DGKQ: variants seen among roughly 807,000 people sequenced by gnomAD.
DGKQ encodes the protein DAG kinase theta.
A neutral mutation model predicts 104.2 loss-of-function variants in DGKQ; 97 were observed. The ratio of observed to expected loss-of-function variants is 0.93; its 90% CI spans 0.79 to 1.10. The LOEUF (loss-of-function observed/expected upper bound fraction) is 1.10. DGKQ is among the 50% of genes least tolerant of loss of function. The pLI is 0.00. For synonymous variants in DGKQ, 736 were observed against 595.2 expected (o/e 1.24, Z -3.44); for missense variants, 1,465 against 1,352.1 (o/e 1.08, Z -1.31).
rs1712240304 is a variant in DGKQ at position 965,520 on chromosome 4, A to G, written c.1589T>C (p.Val530Ala). 4.3e-6 allele frequency: 7 copies of G among 1,612,002 alleles called. No homozygotes were observed. Among genetic ancestry groups the G allele is most frequent in the Non-Finnish European group, 5.9e-6 (7 of 1,179,628 alleles). Residue 530 changes from valine to alanine, a missense_variant, in exon 14 of 23, where the codon GTG becomes GCG. Coordinates refer to ENST00000273814, the MANE Select transcript of DGKQ (RefSeq NM_001347.4). The part of the protein sequence containing the change: ...HEAGATKATV[V>A]SVSHIYSSQG... Reference sequence around the variant, plus strand: ...GGAGGAGTAGATGTGACTCACGGACACCACGGTGGCTGCAAAGGCAGGCTG... The same window carrying G: ...GGAGGAGTAGATGTGACTCACGGACGCCACGGTGGCTGCAAAGGCAGGCTG...
In DGKQ at chr4:968,300, G is replaced by A. The variant is rs982550866; in HGVS notation, c.645C>T (p.Cys215=). The A allele has an allele frequency of 2.0e-6, 2 of 1,001,138 alleles. No homozygotes were observed. The highest frequency in any genetic ancestry group is 2.4e-6 in the Non-Finnish European group (2 of 824,172). The allele number at this position is 1,001,138 out of a possible 1,614,324, so 62.0% of individuals were successfully genotyped here. A position where few individuals can be genotyped will look rare whatever the true frequency, so the allele number is the denominator to read the frequency against. Residue 215 remains cysteine, a synonymous_variant, in exon 5 of 23, where the codon TGC becomes TGT. Transcript: ENST00000273814. ...GSSDVLAGVR[C]EWCGVQAHSL... The stretch of plus-strand genomic sequence containing the variant: ...CGCCCACCTGGACCCCGCACCACTC[G>A]CAGCGCACGCCGGCCAGCACGTCAG...
rs1368020236 is a variant in DGKQ, at chr4:967,957, G to T, written c.734C>A (p.Pro245His). 4.7e-6 allele frequency: 7 copies of T among 1,487,468 alleles called. No individual in the cohort carries two copies. Among genetic ancestry groups the T allele is most frequent in the Non-Finnish European group, 6.2e-6 (7 of 1,126,978 alleles). 92.1% of individuals were successfully genotyped at this position (1,487,468 alleles called of 1,614,324 possible). A position where few individuals can be genotyped will look rare whatever the true frequency, so the allele number is the denominator to read the frequency against. Residue 245 changes from proline (P) to histidine (H), a missense_variant, in exon 6 of 23, where the codon CCT (proline) becomes CAT (histidine). Transcript: ENST00000273814. ...GGGCAGAAGGCGCACGCACGCGGGA[G>T]GCAGGACCAGGGAGCGCAGACGCCC... is the stretch of plus-strand genomic sequence containing the variant. The part of the protein sequence containing the change: ...GFGRLRSLVL[P>H]PACVRLLPGG...
Position 960,528 on chromosome 4 carries a change from A to G in DGKQ, c.*92T>C, listed in dbSNP as rs1172010042. 8.3e-7 allele frequency: 1 copy of G among 1,203,586 alleles called. No individual in the cohort carries two copies. Among genetic ancestry groups the G allele is most frequent in the Non-Finnish European group, 1.2e-6 (1 of 827,978 alleles). The allele number at this position is 1,203,586 out of a possible 1,614,324, so 74.6% of individuals were successfully genotyped here. On this transcript the variant is annotated 3_prime_UTR_variant, in exon 23 of 23. Coordinates refer to ENST00000273814, the MANE Select transcript of DGKQ (RefSeq NM_001347.4). ...GCCAGGTCCGACCACAGGGCCGGCC[A>G]CTGTGTGGACGTGGAGCTGCCTCCA...
rs1404780727 is a variant in DGKQ, at chr4:965,259, C to T, written c.1651G>A (p.Glu551Lys). 1.2e-6 allele frequency: 2 copies of T among 1,612,542 alleles called. No individual in the cohort carries two copies. Among genetic ancestry groups the T allele is most frequent in the Middle Eastern group, 1.6e-4 (1 of 6,084 alleles). ...AVVLDVACFA[E>K]AERLYMLLKD... ...AGCAGCATGTACAGCCGCTCGGCCT[C>T]CGCAAAGCAGGCAACGTCCAACACT... Residue 551 changes from glutamate to lysine, a missense_variant, in exon 15 of 23, where the codon GAG (glutamate) becomes AAG (lysine). Glu to Lys is a moderately conservative substitution (Grantham distance 56). Coordinates refer to ENST00000273814, the MANE Select transcript of DGKQ (RefSeq NM_001347.4).
chr4:962,580 G>C lies in DGKQ; in HGVS notation c.2069C>G (p.Ala690Gly), dbSNP rs201671964. ...NDLGRVLRWG[A>G]GYSGEDPFSV... The stretch of plus-strand genomic sequence containing the variant: ...GAACGGGTCCTCGCCGCTGTAGCCC[G>C]CCCCCCAGCGGAGGACTCGACCAAG... Residue 690 changes from alanine (A) to glycine (G), a missense_variant, in exon 18 of 23, where the codon GCG becomes GGG. Coordinates refer to ENST00000273814, the MANE Select transcript of DGKQ (RefSeq NM_001347.4). 6 of 1,609,208 alleles carry C rather than the reference G, an allele frequency of 3.7e-6. No homozygotes were observed. Among genetic ancestry groups the C allele is most frequent in the East Asian group, 2.2e-5 (1 of 44,874 alleles).
intron 11 of DGKQ, 61 bp downstream of exon 11, chr4:966,687 C>A: frequency 1.3e-6 from 2 of 1,551,708 alleles, no homozygotes; most frequent in Non-Finnish European, 1.8e-6. Context: ...AAAGCCTGGG[C>A]AGCAGGTCCA....
Position 968,574 on chromosome 4 carries a change from A to C in DGKQ, c.452-10T>G. 2 of 1,601,854 alleles carry C rather than the reference A, an allele frequency of 1.2e-6. No homozygotes were observed. Among genetic ancestry groups the C allele is most frequent in the South Asian group, 2.2e-5 (2 of 89,496 alleles). ...AGGTGCAGCTCACACACTGGGGGGC[A>C]GGCAGGGTTAGAGGTGTCTGCCGCC... On this transcript the variant is annotated splice_polypyrimidine_tract_variant and intron_variant, in intron 3 of 22. Coordinates refer to ENST00000273814, the MANE Select transcript of DGKQ (RefSeq NM_001347.4).
In DGKQ at chr4:965,267, C is replaced by A. The variant is rs1712214808; in HGVS notation, c.1643G>T (p.Cys548Phe). The A allele has an allele frequency of 6.2e-7, 1 of 1,612,654 alleles. No homozygotes were observed. Among genetic ancestry groups the A allele is most frequent in the South Asian group, 1.1e-5 (1 of 91,088 alleles). ...GTACAGCCGCTCGGCCTCCGCAAAG[C>A]AGGCAACGTCCAACACTACCGCGCC... ...SQGAVVLDVA[C>F]FAEAERLYML... Residue 548 changes from cysteine (C) to phenylalanine (F), a missense_variant, in exon 15 of 23, where the codon TGC (cysteine) becomes TTC (phenylalanine). Cys to Phe is a radical substitution (Grantham distance 205). Transcript: ENST00000273814.
chr4:961,896 CG>C (rs1308330091), intron 19 of DGKQ, 62 bp from the exon 20 acceptor site: 2 of 1,602,458 alleles, frequency 1.2e-6, no homozygotes, highest in Admixed American at 1.7e-5. Flanking sequence ...AGGCAGCCTC[CG>C]GGTTCCGGCC....
In DGKQ at chr4:968,517, C is replaced by T; in HGVS notation, c.499G>A (p.Asp167Asn). 6.2e-7 allele frequency: 1 copy of T among 1,609,356 alleles called. No individual in the cohort carries two copies. Among genetic ancestry groups the T allele is most frequent in the East Asian group, 2.2e-5 (1 of 44,692 alleles). ...CCATCCTGGTGGCACTGGCGGCAGT[C>T]ACTGCAGGCGAAGGGCACACAGTCT... ...HPDCVPFACS[D>N]CRQCHQDGHQ... Residue 167 changes from aspartate (D) to asparagine (N), a missense_variant, in exon 4 of 23, where the codon GAC becomes AAC. Physicochemically the swap from Asp to Asn is conservative, Grantham distance 23. Transcript: ENST00000273814.
At position 965,918 on chromosome 4, in the gene DGKQ, G is replaced by A; in HGVS notation, c.1579+10C>T. The A allele has an allele frequency of 6.3e-7, 1 of 1,587,600 alleles. No individual in the cohort carries two copies. The highest frequency in any genetic ancestry group is 8.6e-7 in the Non-Finnish European group (1 of 1,163,996). On this transcript the variant is annotated intron_variant, in intron 13 of 22. Coordinates refer to ENST00000273814, the MANE Select transcript of DGKQ (RefSeq NM_001347.4). ...TGCCAGCAGCCCACGGCCAGCCACA[G>A]TGGTCACACCTTTGGTAGCCCCGGC...
chr4:960,044 A>C lies in DGKQ; in HGVS notation c.*576T>G. ...GGGAAGGCACCTTCTCCCTTCCCTG[A>C]ACACAAGGAAGTCACCAGTCACCAC... On this transcript the variant is annotated 3_prime_UTR_variant, in exon 23 of 23. Transcript: ENST00000273814. 1 of 153,334 alleles carries C rather than the reference A, an allele frequency of 6.5e-6. No homozygotes were observed. The highest frequency in any genetic ancestry group is 1.5e-5 in the Non-Finnish European group (1 of 68,760). The allele number at this position is 153,334 out of a possible 1,614,324, so 9.5% of individuals were successfully genotyped here.
At chr4:965,409 C>T in intron 14 of DGKQ, 82 bp downstream of exon 14, 2 of 1,552,104 alleles carry the variant, frequency 1.3e-6, no homozygotes, top group South Asian at 2.3e-5. Context: ...AGGTCAGGTG[C>T]TACGTGAGGG....
At position 960,615 on chromosome 4, in the gene DGKQ, CACCCCT is replaced by C. The variant is rs768151699; in HGVS notation, c.2828_*4del. 2 of 1,609,154 alleles carry C rather than the reference CACCCCT, an allele frequency of 1.2e-6. No homozygotes were observed. Among genetic ancestry groups the C allele is most frequent in the Non-Finnish European group, 1.7e-6 (2 of 1,177,992 alleles). ...GCTCGAGCCCTTGGGCTGCCCCAGC[CACCCCT>C]ACCTAGGATCGCTCTCAGGGGCAGG... On this transcript the variant is annotated stop_lost and 3_prime_UTR_variant, in exon 23 of 23. Coordinates refer to ENST00000273814, the MANE Select transcript of DGKQ (RefSeq NM_001347.4).
Position 967,961 on chromosome 4 carries a change from G to T in DGKQ, c.730C>A (p.Leu244Met). 1.3e-6 allele frequency: 2 copies of T among 1,487,562 alleles called. No individual in the cohort carries two copies. 92.1% of individuals were successfully genotyped at this position (1,487,562 alleles called of 1,614,324 possible). The change falls in exon 6 of 23, where the codon CTG becomes ATG. Residue 244 changes from leucine (L) to methionine (M), a missense_variant. By Grantham distance (15) the Leu-to-Met change is conservative. Coordinates refer to ENST00000273814, the MANE Select transcript of DGKQ (RefSeq NM_001347.4). ...CGFGRLRSLV[L>M]PPACVRLLPG... is the part of the protein sequence containing the mutation. ...AGAAGGCGCACGCACGCGGGAGGCA[G>T]GACCAGGGAGCGCAGACGCCCGAAG...
chr4:968,781 T>C, intron 3 of DGKQ, 30 bp downstream of exon 3: 1 of 1,582,918 alleles, frequency 6.3e-7, no homozygotes, highest in Non-Finnish European at 8.6e-7. Context: ...ACCAGGACAC[T>C]GGGTGGGGAG....
chr4:963,490 G>A (rs1712049263), intron 15 of DGKQ, among the ~76,000 whole-genome samples, 200 bp from the exon 16 acceptor site: 1 of 152,228 alleles, frequency 6.6e-6, no homozygotes, highest in Non-Finnish European at 1.5e-5. Context: ...CTGCTGGCCA[G>A]CAGGGCGGCA....
rs775407657 is a variant in DGKQ at position 967,024 on chromosome 4, C to T, written c.1251G>A (p.Val417=). The change falls in exon 10 of 23, where the codon GTG becomes GTA. Residue 417 remains valine, a synonymous_variant. Coordinates refer to ENST00000273814, the MANE Select transcript of DGKQ (RefSeq NM_001347.4). ...KVGVAYVSVR[V]TPKSTARSVV... ...CAGAGCGGGCCGTGCTCTTCGGGGT[C>T]ACTCGCACGGACACGTAGGCCACGC... The T allele has an allele frequency of 1.9e-6, 3 of 1,563,438 alleles. No individual in the cohort carries two copies. The highest frequency in any genetic ancestry group is 2.6e-6 in the Non-Finnish European group (3 of 1,155,916).
In DGKQ at chr4:960,439, G is replaced by A; in HGVS notation, c.*181C>T. 1.6e-6 allele frequency: 1 copy of A among 608,592 alleles called. No individual in the cohort carries two copies. The highest frequency in any genetic ancestry group is 2.9e-6 in the Non-Finnish European group (1 of 341,146). The allele number at this position is 608,592 out of a possible 1,614,324, so 37.7% of individuals were successfully genotyped here. A position where few individuals can be genotyped will look rare whatever the true frequency, so the allele number is the denominator to read the frequency against. ...GATGAGGGCTGTGACACCAACATGT[G>A]TCACCAATGGGATGAGGGCGGGTCC... On this transcript the variant is annotated 3_prime_UTR_variant, in exon 23 of 23. Coordinates refer to ENST00000273814, the MANE Select transcript of DGKQ (RefSeq NM_001347.4).
Sources: allele counts gnomAD v4.1 joint callset (sites outside exome capture counted in the v4.1 genomes callset), GRCh38; gene constraint gnomAD v4.1.1; transcripts MANE v1.5; gene names NCBI Gene and HGNC (gene_info 2026-07-23, HGNC 2026-07-21).